The following SBF2 variants were observed in gnomAD, a reference collection of about 807,000 sequenced individuals.
SBF2 encodes SET binding factor 2.
SBF2 carries 112 observed loss-of-function variants against 225.2 expected under a neutral mutation model. The ratio of observed to expected loss-of-function variants is 0.50; its 90% CI spans 0.43 to 0.58. The LOEUF (loss-of-function observed/expected upper bound fraction) is 0.58, where lower values mean the gene tolerates loss of function less well. Among genes scored for constraint, SBF2 ranks in the 20% least tolerant of loss-of-function variants. The pLI, the probability that SBF2 is intolerant of heterozygous loss-of-function variation, is 0.00. For missense variants in SBF2, 1,996 were observed against 2,206.2 expected (o/e 0.90, Z 1.91); for synonymous variants, 763 against 773.3 (o/e 0.99, Z 0.22).
intron 2 of SBF2, among the ~76,000 whole-genome samples, chr11:10,183,480 T>C (rs2135294487): frequency 6.6e-6 from 1 of 152,312 alleles, no homozygotes; most frequent in South Asian, 2.1e-4. Flanking sequence ...ACATTCTCTC[T>C]AAAAAATCTT....
intron 17 of SBF2, among the ~76,000 whole-genome samples, chr11:9,894,622 T>C (rs568039373): frequency 4.6e-5 from 7 of 151,946 alleles, no homozygotes; most frequent in Non-Finnish European, 8.8e-5. Context: ...AGGCAGAGGC[T>C]GTAGGGAGCT....
chr11:9,942,104 T>C (rs2134296323), intron 16 of SBF2, among the ~76,000 whole-genome samples: 1 of 152,340 alleles, frequency 6.6e-6, no homozygotes, highest in Middle Eastern at 3.4e-3. Context: ...CAGGGTCTCG[T>C]ACTGTCACCT....
intron 2 of SBF2, among the ~76,000 whole-genome samples, chr11:10,073,090 G>A (rs1359026085): frequency 6.6e-6 from 1 of 151,950 alleles, no homozygotes; most frequent in African/African-American, 2.4e-5. Flanking sequence ...CCTTCAAAAG[G>A]CCAATATATA....
At chr11:10,064,951 C>G (rs925869173) in intron 2 of SBF2, among the ~76,000 whole-genome samples, 1 of 152,152 alleles carries the variant, frequency 6.6e-6, no homozygotes, top group African/African-American at 2.4e-5. Context: ...GAACACTCCA[C>G]ACAGCAGCAG....
chr11:10,105,930 G>C (rs1952528011), intron 2 of SBF2, among the ~76,000 whole-genome samples: 1 of 152,206 alleles, frequency 6.6e-6, no homozygotes, highest in South Asian at 2.1e-4. Context: ...AGGGGCAATA[G>C]GAAATTATTA....
At chr11:10,159,362 G>A (rs1462465386) in intron 2 of SBF2, among the ~76,000 whole-genome samples, 1 of 152,218 alleles carries the variant, frequency 6.6e-6, no homozygotes, top group Non-Finnish European at 1.5e-5. Flanking sequence ...GAGTCATACA[G>A]CTGGAAGCTA....
Position 10,210,007 on chromosome 11 carries a change from A to G in SBF2, c.56-16020T>C, listed in dbSNP as rs1957875967. Among the ~76,000 whole-genome samples, 3 of 152,136 alleles carry G rather than the reference A, an allele frequency of 2.0e-5. No homozygotes were observed. The South Asian group carries it at 6.2e-4, about 32-fold the overall frequency. The stretch of plus-strand genomic sequence containing the variant: ...CACATCCATGTTTCAAGTAGAAATC[A>G]AGAAGGAAGGAAGGAAGCTGGGCAC... On this transcript the variant is annotated intron_variant, in intron 1 of 39. Coordinates refer to ENST00000256190, the MANE Select transcript of SBF2 (RefSeq NM_030962.4).
intron 28 of SBF2, among the ~76,000 whole-genome samples, chr11:9,826,461 G>T (rs1284867706): frequency 6.6e-6 from 1 of 152,088 alleles, no homozygotes; most frequent in African/African-American, 2.4e-5. Flanking sequence ...AGTGAATTTT[G>T]TAAAAAGTGA....
chr11:9,833,281 G>A (rs377174209), intron 26 of SBF2, among the ~76,000 whole-genome samples: 1 of 152,098 alleles, frequency 6.6e-6, no homozygotes, highest in Admixed American at 6.5e-5. Context: ...ACATGTAAGA[G>A]TACACACAGA....
At chr11:10,268,477 T>C (rs1336923578) in intron 1 of SBF2, among the ~76,000 whole-genome samples, 1 of 152,156 alleles carries the variant, frequency 6.6e-6, no homozygotes, top group Admixed American at 6.5e-5. Context: ...AAAGCTACAA[T>C]GGATCAACGA....
intron 8 of SBF2, among the ~76,000 whole-genome samples, chr11:10,000,687 G>A (rs1314871772): frequency 6.6e-6 from 1 of 152,110 alleles, no homozygotes; most frequent in Non-Finnish European, 1.5e-5. Flanking sequence ...TGTACCAAAA[G>A]AGGGATATTT....
intron 38 of SBF2, among the ~76,000 whole-genome samples, chr11:9,782,697 C>T (rs1360735810): frequency 6.6e-6 from 1 of 151,914 alleles, no homozygotes; most frequent in Non-Finnish European, 1.5e-5. Context: ...ATGGTGAAAC[C>T]CCGTCTCTAC....
chr11:10,118,033 C>G (rs989717816), intron 2 of SBF2, among the ~76,000 whole-genome samples: 1 of 152,184 alleles, frequency 6.6e-6, no homozygotes, highest in Non-Finnish European at 1.5e-5. Flanking sequence ...ACTGAAACAA[C>G]TGATCTTATT....
intron 1 of SBF2, among the ~76,000 whole-genome samples, chr11:10,219,239 T>G (rs1368606831): frequency 6.6e-6 from 1 of 152,222 alleles, no homozygotes; most frequent in Non-Finnish European, 1.5e-5. Context: ...TTGACTTTTG[T>G]GTACCCACAG....
chr11:10,193,440 C>T (rs1278864588), intron 2 of SBF2, among the ~76,000 whole-genome samples: 3 of 150,712 alleles, frequency 2.0e-5, no homozygotes, highest in Admixed American at 6.6e-5. Flanking sequence ...CTGCAAGCTC[C>T]GCCTCCCGGG....
chr11:9,931,211 A>G (rs1864474132), intron 16 of SBF2, among the ~76,000 whole-genome samples: 1 of 152,276 alleles, frequency 6.6e-6, no homozygotes, highest in Non-Finnish European at 1.5e-5. Context: ...CAGCTTCTGC[A>G]GACTTAGAAG....
chr11:10,098,048 T>C (rs564428173), intron 2 of SBF2, among the ~76,000 whole-genome samples: 1 of 152,206 alleles, frequency 6.6e-6, no homozygotes, highest in African/African-American at 2.4e-5. Context: ...CCAAGAGGTA[T>C]TCCCAAGAAC....
At chr11:10,071,496 A>G (rs2134810656) in intron 2 of SBF2, among the ~76,000 whole-genome samples, 1 of 152,046 alleles carries the variant, frequency 6.6e-6, no homozygotes, top group Admixed American at 6.5e-5. Context: ...TTGATTTCCC[A>G]ACCTCGTGAT....
intron 20 of SBF2, 133 bp from the exon 21 acceptor site, chr11:9,852,882 T>C (rs1417741053): frequency 4.1e-6 from 3 of 737,078 alleles, no homozygotes; most frequent in African/African-American, 3.5e-5. Flanking sequence ...ATTACCATTA[T>C]GACCCAGCAA....
Sources: allele counts gnomAD v4.1 joint callset (sites outside exome capture counted in the v4.1 genomes callset), GRCh38; gene constraint gnomAD v4.1.1; transcripts MANE v1.5; gene names NCBI Gene and HGNC (gene_info 2026-07-23, HGNC 2026-07-21).